The following UGT2A2 variants were observed in gnomAD, a reference collection of about 807,000 sequenced individuals.
The protein encoded by UGT2A2 is UDP-glucuronosyltransferase 2A2.
Under a neutral mutation model 50.7 loss-of-function variants are expected in UGT2A2, and 60 were observed. The observed-to-expected ratio is 1.18, with a 90% CI of 0.96 to 1.47. The LOEUF is 1.47. Among genes scored for constraint, UGT2A2 ranks in the 40% most tolerant of loss-of-function variants. The pLI, the probability that UGT2A2 is intolerant of heterozygous loss-of-function variation, is 0.00. For synonymous variants in UGT2A2, 242 were observed against 214.6 expected (o/e 1.13, Z -1.11); for missense variants, 762 against 634.0 (o/e 1.20, Z -2.17).
At chr4:69,617,853 T>G (rs1302817073) in intron 1 of UGT2A2, among the ~76,000 whole-genome samples, 2 of 151,894 alleles carry the variant, frequency 1.3e-5, no homozygotes, top group East Asian at 3.9e-4. Context: ...ATAATTGTCT[T>G]ATGTAAAAAT....
At chr4:69,596,786 T>A (rs1718959342) in intron 2 of UGT2A2, among the ~76,000 whole-genome samples, 1 of 152,202 alleles carries the variant, frequency 6.6e-6, no homozygotes, top group South Asian at 2.1e-4. Context: ...TCTCCCAAAG[T>A]GCTGGAATTA....
At chr4:69,631,669 A>T (rs756795158) in intron 1 of UGT2A2, among the ~76,000 whole-genome samples, 2 of 152,168 alleles carry the variant, frequency 1.3e-5, no homozygotes, top group Non-Finnish European at 1.5e-5. Context: ...GTACATGGGC[A>T]TTTCTGGGTG....
Position 69,599,261 on chromosome 4 carries a change from G to T in UGT2A2, c.876C>A (p.Ala292=). Residue 292 remains alanine (A), a synonymous_variant, in exon 2 of 6, where the codon GCC becomes GCA. Coordinates refer to ENST00000604629, the MANE Select transcript of UGT2A2 (RefSeq NM_001105677.2). ...EFVGGLHCKP[A]KPLPKEMEEF... is the part of the protein sequence containing the mutation. ...GTAGACCTACCTTAGGTAAAGGTTT[G>T]GCAGGTTTGCAGTGCAATCCTCCAA... 1 of 1,613,464 alleles carries T rather than the reference G, an allele frequency of 6.2e-7. No individual in the cohort carries two copies. The highest frequency in any genetic ancestry group is 8.5e-7 in the Non-Finnish European group (1 of 1,179,786).
intron 1 of UGT2A2, among the ~76,000 whole-genome samples, chr4:69,619,609 G>A (rs1015876045): frequency 6.6e-6 from 1 of 151,830 alleles, no homozygotes; most frequent in Non-Finnish European, 1.5e-5. Flanking sequence ...TTCCATTTGT[G>A]TGAAACTTAA....
chr4:69,616,748 T>C (rs1034733587), intron 1 of UGT2A2, among the ~76,000 whole-genome samples: 2 of 151,602 alleles, frequency 1.3e-5, no homozygotes, highest in Admixed American at 6.6e-5. Flanking sequence ...CTATAAATCC[T>C]CCATTTAGTT....
At chr4:69,597,502 G>A (rs968317877) in intron 2 of UGT2A2, among the ~76,000 whole-genome samples, 1 of 152,070 alleles carries the variant, frequency 6.6e-6, no homozygotes, top group African/African-American at 2.4e-5. Context: ...GATGTATCCT[G>A]CATTCCCTGT....
chr4:69,597,232 C>G (rs553962678), intron 2 of UGT2A2, among the ~76,000 whole-genome samples: 1 of 152,186 alleles, frequency 6.6e-6, no homozygotes, highest in African/African-American at 2.4e-5. Context: ...TATTTTAGAA[C>G]AGGATAACAA....
chr4:69,632,384 C>T (rs1362569626), intron 1 of UGT2A2, among the ~76,000 whole-genome samples: 1 of 152,040 alleles, frequency 6.6e-6, no homozygotes, highest in Non-Finnish European at 1.5e-5. Context: ...CACACAGCAC[C>T]TTTCAGAATT....
rs71671445 is a variant in UGT2A2 at position 69,597,715 on chromosome 4, A to AACAC, written c.892-1338_892-1335dup. Among the ~76,000 whole-genome samples the AACAC allele has an allele frequency of 5.1e-3, 766 of 150,350 alleles. 5 individuals are homozygous for AACAC. Among genetic ancestry groups the AACAC allele is most frequent in the Non-Finnish European group, 5.5e-3 (373 of 67,414 alleles). ...CAAACAGATATTAATTCATTAAAAT[A>AACAC]ACACACACACACACACACACAAACA... On this transcript the variant is annotated intron_variant, in intron 2 of 5. Coordinates refer to ENST00000604629, the MANE Select transcript of UGT2A2 (RefSeq NM_001105677.2).
At chr4:69,590,040 C>G (rs1718499606) in intron 5 of UGT2A2, among the ~76,000 whole-genome samples, 1 of 152,182 alleles carries the variant, frequency 6.6e-6, no homozygotes, top group Non-Finnish European at 1.5e-5. Context: ...AACATATCCT[C>G]TAGTGTCTGG....
At chr4:69,630,580 G>A (rs543473111) in intron 1 of UGT2A2, among the ~76,000 whole-genome samples, 1 of 152,150 alleles carries the variant, frequency 6.6e-6, no homozygotes, top group South Asian at 2.1e-4. Context: ...GTAGAAAAGG[G>A]TCATAAACAG....
At chr4:69,613,963 G>A (rs774287249) in intron 1 of UGT2A2, among the ~76,000 whole-genome samples, 2 of 152,030 alleles carry the variant, frequency 1.3e-5, no homozygotes, top group Non-Finnish European at 2.9e-5. Context: ...CATCATAGTA[G>A]TAGTCCTAGC....
At chr4:69,601,719 C>G (rs1424491541) in intron 1 of UGT2A2, among the ~76,000 whole-genome samples, 1 of 151,462 alleles carries the variant, frequency 6.6e-6, no homozygotes, top group Admixed American at 6.6e-5. Flanking sequence ...TCCCCTGCCA[C>G]CCCTGTCAGA....
chr4:69,600,208 G>T (rs985862850), intron 1 of UGT2A2, among the ~76,000 whole-genome samples: 1 of 152,168 alleles, frequency 6.6e-6, no homozygotes, highest in African/African-American at 2.4e-5. Flanking sequence ...AGACCACGGG[G>T]AAATGCCTTA....
intron 1 of UGT2A2, among the ~76,000 whole-genome samples, chr4:69,630,378 G>T (rs968126195): frequency 1.3e-5 from 2 of 151,804 alleles, no homozygotes; most frequent in East Asian, 3.9e-4. Context: ...ACCTCTTCCC[G>T]GTTACACTCT....
At chr4:69,608,535 G>T (rs555663716) in intron 1 of UGT2A2, among the ~76,000 whole-genome samples, 39 of 151,542 alleles carry the variant, frequency 2.6e-4, no homozygotes, top group African/African-American at 9.5e-4. Context: ...TGCACGTTGT[G>T]TACATGTACC....
Position 69,638,937 on chromosome 4 carries a change from T to A in UGT2A2, c.704A>T (p.Tyr235Phe). ...ATAGTATGAATTCCATTCTCCCCAGTAGGACTGAAATATATAGTCTTGCAG... is the reference window on the plus strand; with the variant it reads ...ATAGTATGAATTCCATTCTCCCCAGAAGGACTGAAATATATAGTCTTGCAG... The part of the protein sequence containing the change: ...YSLQDYIFQS[Y>F]WGEWNSYYSK... The change falls in exon 1 of 6, where the codon TAC becomes TTC. Residue 235 changes from tyrosine (Y) to phenylalanine (F), a missense_variant. By Grantham distance (22) the Tyr-to-Phe change is conservative. Transcript: ENST00000604629. The A allele has an allele frequency of 6.2e-7, 1 of 1,611,214 alleles. No homozygotes were observed. The highest frequency in any genetic ancestry group is 8.5e-7 in the Non-Finnish European group (1 of 1,178,540).
rs1191962827 is a variant in UGT2A2, at chr4:69,588,820, C to T, written c.*552G>A. On this transcript the variant is annotated 3_prime_UTR_variant, in exon 6 of 6. Transcript: ENST00000604629. ...AGACATTTAATAGGGACGCACGTCA[C>T]ACTTAAAATTCATTCTCTAACTCCT... The T allele has an allele frequency of 2.0e-5, 3 of 152,086 alleles. No homozygotes were observed. Among genetic ancestry groups the T allele is most frequent in the Admixed American group, 2.0e-4 (3 of 15,256 alleles). The allele number at this position is 152,086 out of a possible 1,614,324, so 9.4% of individuals were successfully genotyped here. A position where few individuals can be genotyped will look rare whatever the true frequency, so the allele number is the denominator to read the frequency against.
Position 69,589,222 on chromosome 4 carries a change from G to C in UGT2A2, c.*150C>G, listed in dbSNP as rs1357992023. The C allele has an allele frequency of 4.0e-6, 4 of 1,009,710 alleles. No individual in the cohort carries two copies. The highest frequency in any genetic ancestry group is 4.1e-6 in the Non-Finnish European group (3 of 733,626). 62.5% of individuals were successfully genotyped at this position (1,009,710 alleles called of 1,614,324 possible). On this transcript the variant is annotated 3_prime_UTR_variant, in exon 6 of 6. Coordinates refer to ENST00000604629, the MANE Select transcript of UGT2A2 (RefSeq NM_001105677.2). Reference sequence around the variant, plus strand: ...TCATGCCAAAATCTAGGCTTTATCAGTAGGCTTATCGCAGGTAGAGAAATA... The same window carrying C: ...TCATGCCAAAATCTAGGCTTTATCACTAGGCTTATCGCAGGTAGAGAAATA...
Sources: allele counts gnomAD v4.1 joint callset (sites outside exome capture counted in the v4.1 genomes callset), GRCh38; gene constraint gnomAD v4.1.1; transcripts MANE v1.5; gene names NCBI Gene and HGNC (gene_info 2026-07-23, HGNC 2026-07-21).